The following RARB variants were observed in gnomAD, a reference collection of about 807,000 sequenced individuals.
RARB encodes HBV-activated protein.
A neutral mutation model predicts 51.9 loss-of-function variants in RARB; 17 were observed. The observed-to-expected ratio is 0.33, with a 90% CI of 0.22 to 0.49. RARB has a LOEUF of 0.49. Ranked by LOEUF, RARB falls within the 20% of genes least tolerant of loss-of-function variation. The pLI, the probability that RARB is intolerant of heterozygous loss-of-function variation, is 0.99. For synonymous variants in RARB, 215 were observed against 195.4 expected (o/e 1.10, Z -0.84); for missense variants, 369 against 550.8 (o/e 0.67, Z 3.30).
intron 2 of RARB, among the ~76,000 whole-genome samples, chr3:24,922,005 C>T (rs1467399097): frequency 1.3e-5 from 2 of 152,184 alleles, no homozygotes; most frequent in African/African-American, 4.8e-5. Context: ...GCCAAGGATG[C>T]AGTAGAGTCT....
chr3:25,358,886 T>C (rs145598068), intron 5 of RARB, among the ~76,000 whole-genome samples: 1,839 of 152,258 alleles, frequency 0.012, 39 homozygotes, highest in African/African-American at 0.042. Flanking sequence ...TTTGCCAGTA[T>C]TTTATTGAGG....
In RARB at chr3:25,587,315, C is replaced by T. The variant is rs534148172; in HGVS notation, c.787-6188C>T. Among the ~76,000 whole-genome samples the T allele has an allele frequency of 2.6e-5, 4 of 151,934 alleles. No individual in the cohort carries two copies. In the South Asian group the frequency reaches 8.3e-4, roughly 32 times the overall value. ...GCTGTGCTGTCTAGTTCAGCAGCTG[C>T]GAGGCAGCTGTGGCTCATGAGCACC... On this transcript the variant is annotated intron_variant, in intron 5 of 7. Coordinates refer to ENST00000330688, the MANE Select transcript of RARB (RefSeq NM_000965.5).
intron 2 of RARB, among the ~76,000 whole-genome samples, chr3:25,017,861 G>C (rs1697549590): frequency 6.6e-6 from 1 of 152,118 alleles, no homozygotes; most frequent in Non-Finnish European, 1.5e-5. Flanking sequence ...ATGGTATTTG[G>C]AGGTGGGGCC....
At chr3:24,838,646 A>G (rs1490692364) in intron 1 of RARB, among the ~76,000 whole-genome samples, 1 of 152,260 alleles carries the variant, frequency 6.6e-6, no homozygotes, top group African/African-American at 2.4e-5. Context: ...ATTTAATTTT[A>G]TGAGATGTGG....
intron 3 of RARB, among the ~76,000 whole-genome samples, chr3:25,529,813 G>A (rs1000446715): frequency 6.6e-5 from 10 of 151,934 alleles, no homozygotes; most frequent in Admixed American, 5.9e-4. Context: ...AGTATATGGC[G>A]GACACACAGA....
chr3:25,411,709 C>G (rs920604632), intron 5 of RARB, among the ~76,000 whole-genome samples: 2 of 152,214 alleles, frequency 1.3e-5, no homozygotes, highest in African/African-American at 4.8e-5. Flanking sequence ...AAAGAACCTG[C>G]CCTTGATGGT....
chr3:25,023,950 T>C (rs2125286309), intron 2 of RARB, among the ~76,000 whole-genome samples: 1 of 152,306 alleles, frequency 6.6e-6, no homozygotes, highest in East Asian at 1.9e-4. Flanking sequence ...GTCTGAGTCT[T>C]ACCATTAACT....
chr3:25,410,842 C>G (rs75444837), intron 5 of RARB, among the ~76,000 whole-genome samples: 1 of 152,228 alleles, frequency 6.6e-6, no homozygotes, highest in Non-Finnish European at 1.5e-5. Context: ...CCTCCCAATT[C>G]CTGCTCGCTG....
intron 5 of RARB, among the ~76,000 whole-genome samples, chr3:25,410,658 T>C (rs1707537550): frequency 6.6e-6 from 1 of 152,236 alleles, no homozygotes; most frequent in South Asian, 2.1e-4. Context: ...TAACATAAAC[T>C]GAGTCCTCAG....
At chr3:24,932,436 A>G (rs576398320) in intron 2 of RARB, among the ~76,000 whole-genome samples, 5 of 152,084 alleles carry the variant, frequency 3.3e-5, no homozygotes, top group African/African-American at 1.2e-4. Flanking sequence ...AGTCGTTTAC[A>G]TTGCTAATAC....
intron 5 of RARB, among the ~76,000 whole-genome samples, chr3:25,589,956 C>T (rs568558914): frequency 3.9e-5 from 6 of 152,298 alleles, no homozygotes; most frequent in South Asian, 2.1e-4. Flanking sequence ...CAAAATGAAA[C>T]GACTTGGGTT....
chr3:25,459,127 A>G (rs1168312801), intron 1 of RARB, among the ~76,000 whole-genome samples: 1 of 152,212 alleles, frequency 6.6e-6, no homozygotes, highest in Non-Finnish European at 1.5e-5. Context: ...AACACTGGTT[A>G]GGGTTTTATG....
intron 3 of RARB, among the ~76,000 whole-genome samples, chr3:25,118,959 C>G (rs56023574): frequency 0.13 from 19,524 of 152,088 alleles, 1,626 homozygotes; most frequent in Non-Finnish European, 0.2. Context: ...AATAGAGTAT[C>G]CAGAGAATAT....
rs951454481 is a variant in RARB, at chr3:24,971,058, T to C, written c.-379-89067T>C. On this transcript the variant is annotated intron_variant, in intron 2 of 11. Transcript: ENST00000383772. ...TACTTTATTATCAGGTTATATGCAG[T>C]ACAGGAGACATGGATATCACTTTAA... Among the ~76,000 whole-genome samples the C allele has an allele frequency of 2.6e-5, 4 of 151,982 alleles. No homozygotes were observed. In the East Asian group the frequency reaches 5.8e-4, roughly 22 times the overall value.
intron 1 of RARB, among the ~76,000 whole-genome samples, chr3:24,849,494 C>T (rs2125335426): frequency 6.6e-6 from 1 of 152,276 alleles, no homozygotes; most frequent in Admixed American, 6.5e-5. Flanking sequence ...TCCTGTGAGC[C>T]TCTGGTTACA....
At chr3:25,312,158 G>C (rs768060012) in intron 5 of RARB, among the ~76,000 whole-genome samples, 42 of 152,130 alleles carry the variant, frequency 2.8e-4, no homozygotes, top group Non-Finnish European at 4.7e-4. Context: ...TAGAATCAGA[G>C]ACGGAAGAAA....
chr3:25,194,602 G>T (rs1701186986), intron 5 of RARB, among the ~76,000 whole-genome samples: 1 of 150,504 alleles, frequency 6.6e-6, no homozygotes, highest in African/African-American at 2.4e-5. Context: ...GGAAGTAAAA[G>T]GCTGTCATAG....
At chr3:24,849,485 C>T (rs1416772871) in intron 1 of RARB, among the ~76,000 whole-genome samples, 3 of 152,184 alleles carry the variant, frequency 2.0e-5, no homozygotes, top group Non-Finnish European at 4.4e-5. Flanking sequence ...GGGTTAGGTT[C>T]CTGTGAGCCT....
chr3:25,160,644 T>TA (rs1700459078), intron 4 of RARB, among the ~76,000 whole-genome samples: 1 of 152,218 alleles, frequency 6.6e-6, no homozygotes, highest in South Asian at 2.1e-4. Flanking sequence ...GTTGATGTAT[T>TA]AGGTTTTTAT....
Sources: allele counts gnomAD v4.1 joint callset (sites outside exome capture counted in the v4.1 genomes callset), GRCh38; gene constraint gnomAD v4.1.1; transcripts MANE v1.5; gene names NCBI Gene and HGNC (gene_info 2026-07-23, HGNC 2026-07-21).